Variants in MYO9A observed in about 807,000 individuals in gnomAD.
The protein encoded by MYO9A is unconventional myosin-IXa.
Under a neutral mutation model 293.3 loss-of-function variants are expected in MYO9A, and 103 were observed. The ratio of observed to expected loss-of-function variants is 0.35; its 90% CI spans 0.30 to 0.41. MYO9A has a LOEUF of 0.41. Among genes scored for constraint, MYO9A ranks in the 10% least tolerant of loss-of-function variants. The pLI is 1.00. For missense variants in MYO9A, 2,685 were observed against 3,033.0 expected, an observed-to-expected ratio of 0.89 and a Z score of 2.69; for synonymous variants, 1,001 against 1,035.7, an observed-to-expected ratio of 0.97 and a Z score of 0.64.
intron 2 of MYO9A, among the ~76,000 whole-genome samples, chr15:72,033,271 G>A (rs1240564006): frequency 6.6e-6 from 1 of 152,058 alleles, no homozygotes; most frequent in Non-Finnish European, 1.5e-5. Context: ...TAAAAAATTT[G>A]CTAAACTGAA....
At chr15:72,014,727 AAG>A (rs139154140) in intron 6 of MYO9A, among the ~76,000 whole-genome samples, 13 of 150,588 alleles carry the variant, frequency 8.6e-5, no homozygotes, top group Non-Finnish European at 1.0e-4. Flanking sequence ...AAAAGAAGAG[AAG>A]AGAGAGAGAG....
rs1226634993 is a variant in MYO9A, at chr15:71,956,855, AC to A, written c.2182+3045del. Among the ~76,000 whole-genome samples, 135 of 86,610 alleles carry A rather than the reference AC, an allele frequency of 1.6e-3. 3 individuals carry two copies. The Middle Eastern group carries it at 0.019, about 12-fold the overall frequency. The allele number at this position is 86,610 out of a possible 152,430, so 56.8% of individuals were successfully genotyped here. On this transcript the variant is annotated intron_variant, in intron 14 of 41. Transcript: ENST00000356056. ...TATATATACACACACACACACACAC[AC>A]ACAAATATATATATATATATATATA...
chr15:71,973,484 C>G (rs1384198967), intron 12 of MYO9A, among the ~76,000 whole-genome samples: 1 of 152,140 alleles, frequency 6.6e-6, no homozygotes, highest in African/African-American at 2.4e-5. Context: ...GGGCTCACTA[C>G]TAAGCAATCT....
Position 71,960,048 on chromosome 15 carries a change from G to A in MYO9A, c.2035C>T (p.Leu679Phe). The change falls in exon 14 of 42, where the codon CTT (leucine) becomes TTT (phenylalanine). Residue 679 changes from leucine (L) to phenylalanine (F), a missense_variant. Around this residue, in one of 10 missense-constraint regions of MYO9A, gnomAD observed 201 missense variants for 245.2 expected, o/e 0.82. Coordinates refer to ENST00000356056, the MANE Select transcript of MYO9A (RefSeq NM_006901.4). ...TDHMRPDIVALLRSSKNAFIS... is the reference protein window; with the variant it reads ...TDHMRPDIVAFLRSSKNAFIS... ...AATGCATTCTTGCTGCTTCTCAGAA[G>A]AGCTACAATGTCTGGGCGCATATGA... 2 of 1,614,034 alleles carry A rather than the reference G, an allele frequency of 1.2e-6. No homozygotes were observed. Among genetic ancestry groups the A allele is most frequent in the Non-Finnish European group, 1.7e-6 (2 of 1,179,970 alleles).
intron 12 of MYO9A, among the ~76,000 whole-genome samples, chr15:71,973,109 A>T (rs1318302003): frequency 6.6e-6 from 1 of 152,188 alleles, no homozygotes; most frequent in East Asian, 1.9e-4. Flanking sequence ...GTTTGAGCTC[A>T]GGCTGCTGGC....
intron 2 of MYO9A, chr15:72,045,060 T>C (rs1195869343): frequency 6.6e-6 from 1 of 152,232 alleles, no homozygotes; most frequent in Non-Finnish European, 1.5e-5. Flanking sequence ...TATCAAATAT[T>C]TTTTAAAGAT....
At position 72,010,336 on chromosome 15, in the gene MYO9A, A is replaced by G. The variant is rs189571740; in HGVS notation, c.1253+14T>C. On this transcript the variant is annotated intron_variant, in intron 7 of 41. Coordinates refer to ENST00000356056, the MANE Select transcript of MYO9A (RefSeq NM_006901.4). ...TCTCTATTAGAGATATAAAAATACA[A>G]CAAGTAAACTCACTGTCTTCGTGTC... The G allele has an allele frequency of 1.2e-6, 2 of 1,606,156 alleles. No individual in the cohort carries two copies. Among genetic ancestry groups the G allele is most frequent in the East Asian group, 2.2e-5 (1 of 44,808 alleles).
At chr15:72,081,246 A>G (rs1017255248) in intron 1 of MYO9A, among the ~76,000 whole-genome samples, 2 of 152,246 alleles carry the variant, frequency 1.3e-5, no homozygotes, top group East Asian at 3.9e-4. Context: ...TGACTTTTTA[A>G]TAATAGTCAT....
intron 19 of MYO9A, among the ~76,000 whole-genome samples, chr15:71,906,366 C>T (rs2144005154): frequency 6.6e-6 from 1 of 152,288 alleles, no homozygotes; most frequent in East Asian, 1.9e-4. Flanking sequence ...CCATATCCTT[C>T]CTAATTGCCT....
chr15:71,883,596 T>C lies in MYO9A; in HGVS notation c.5396A>G (p.Asp1799Gly), dbSNP rs2056937071. Residue 1799 changes from aspartate to glycine, a missense_variant and splice_region_variant, in exon 28 of 42, where the codon GAT (aspartate) becomes GGT (glycine). Around this residue, in one of 10 missense-constraint regions of MYO9A, gnomAD observed 1,434 missense variants for 1,497.7 expected, o/e 0.96. Transcript: ENST00000356056. ...TDVIPAHQFP[D>G]ELAAYHPTPP... The stretch of plus-strand genomic sequence containing the variant: ...TTCCACCCTTTGGTCACTTTTACCA[T>C]CTGGAAACTGATGAGCTGGAATCAC... 1 of 1,609,538 alleles carries C rather than the reference T, an allele frequency of 6.2e-7. No individual in the cohort carries two copies. The highest frequency in any genetic ancestry group is 1.3e-5 in the African/African-American group (1 of 74,740).
intron 1 of MYO9A, among the ~76,000 whole-genome samples, chr15:72,108,751 A>G (rs559463562): frequency 2.8e-4 from 39 of 139,630 alleles, no homozygotes; most frequent in Non-Finnish European, 5.1e-4. Context: ...TAAACTTGTC[A>G]TGACACATAC....
rs762499479 is a variant in MYO9A at position 71,994,505 on chromosome 15, T to C, written c.1551A>G (p.Ala517=). ...GCTCTAAATCTTTACTATTCAGAAG[T>C]GCATGATTAATTCGAAAAACTATCC... ...FDWIVFRINH[A]LLNSKDLEHN... Residue 517 remains alanine, a synonymous_variant, in exon 10 of 42, where the codon GCA becomes GCG. Transcript: ENST00000356056. 16 of 1,610,776 alleles carry C rather than the reference T, an allele frequency of 9.9e-6. No homozygotes were observed. Among genetic ancestry groups the C allele is most frequent in the Non-Finnish European group, 1.4e-5 (16 of 1,178,580 alleles).
At chr15:71,848,189 C>G (rs1412045217) in intron 39 of MYO9A, among the ~76,000 whole-genome samples, 1 of 151,134 alleles carries the variant, frequency 6.6e-6, no homozygotes, top group Non-Finnish European at 1.5e-5. Context: ...AACTCCAGTT[C>G]TCAATGACCA....
chr15:72,038,056 A>G (rs1877020279), intron 2 of MYO9A, among the ~76,000 whole-genome samples: 1 of 152,112 alleles, frequency 6.6e-6, no homozygotes, highest in South Asian at 2.1e-4. Context: ...AGCTGGGACT[A>G]CAGGTGCATA....
intron 1 of MYO9A, among the ~76,000 whole-genome samples, chr15:72,086,419 G>GGGGGTGGGGCACTGGC (rs962306367): frequency 6.6e-6 from 1 of 151,970 alleles, no homozygotes; most frequent in African/African-American, 2.4e-5. Context: ...ATGTTGGCAA[G>GGGGGTGGGGCACTGGC]GGGGTGGGGC....
At chr15:72,098,596 T>C (rs372263093) in intron 1 of MYO9A, among the ~76,000 whole-genome samples, 1 of 151,794 alleles carries the variant, frequency 6.6e-6, no homozygotes, top group East Asian at 1.9e-4. Context: ...ATAAGTATAA[T>C]AGGAAAAAAA....
intron 8 of MYO9A, among the ~76,000 whole-genome samples, chr15:72,005,729 A>G (rs1438120555): frequency 1.3e-5 from 2 of 152,210 alleles, no homozygotes; most frequent in African/African-American, 4.8e-5. Context: ...ATAAATAAGA[A>G]AGAGGTATCT....
chr15:72,015,639 T>C (rs570674466), intron 6 of MYO9A, among the ~76,000 whole-genome samples: 1 of 151,928 alleles, frequency 6.6e-6, no homozygotes, highest in Admixed American at 6.6e-5. Context: ...TAAAAGAGTT[T>C]GGTGAGGCTG....
Position 71,905,612 on chromosome 15 carries a change from C to T in MYO9A, c.2686-606G>A, listed in dbSNP as rs1381348300. On this transcript the variant is annotated intron_variant, in intron 19 of 41. Transcript: ENST00000356056. ...ACCAGCCTGGCCAACATGGTGAAAC[C>T]CCATCTCTACTAAAAAATACAAAAA... Among the ~76,000 whole-genome samples, 10 of 151,650 alleles carry T rather than the reference C, an allele frequency of 6.6e-5. No homozygotes were observed. The East Asian group carries it at 1.6e-3, about 24-fold the overall frequency.
Sources: allele counts gnomAD v4.1 joint callset (sites outside exome capture counted in the v4.1 genomes callset), GRCh38; gene constraint gnomAD v4.1.1; regional missense constraint gnomAD v4.1.1; transcripts MANE v1.5; gene names NCBI Gene and HGNC (gene_info 2026-07-23, HGNC 2026-07-21).